The following FILIP1L variants were observed in gnomAD, a reference collection of about 807,000 sequenced individuals.
FILIP1L encodes filamin A-interacting protein 1-like.
In FILIP1L, 55 loss-of-function variants were observed where a neutral mutation model predicts 96.6. The ratio of observed to expected loss-of-function variants is 0.57; its 90% CI spans 0.46 to 0.71. The LOEUF is 0.71. Among genes scored for constraint, FILIP1L ranks in the 30% least tolerant of loss-of-function variants. The probability of loss-of-function intolerance (pLI) is 0.00; values close to 1 mark genes in which losing one functional copy is unlikely to be tolerated. For missense variants in FILIP1L, 1,304 were observed against 1,321.2 expected (o/e 0.99, Z 0.20); for synonymous variants, 467 against 473.9 (o/e 0.99, Z 0.19).
intron 1 of FILIP1L, among the ~76,000 whole-genome samples, chr3:100,093,781 T>C (rs1209231501): frequency 6.6e-6 from 1 of 152,252 alleles, no homozygotes; most frequent in African/African-American, 2.4e-5. Flanking sequence ...AAAAACAGTA[T>C]ATAAATAGAA....
intron 1 of FILIP1L, among the ~76,000 whole-genome samples, chr3:100,069,000 A>T (rs1012492810): frequency 6.6e-6 from 1 of 152,330 alleles, no homozygotes; most frequent in South Asian, 2.1e-4. Flanking sequence ...GTTCTGCTCC[A>T]CAAACCCAGA....
intron 1 of FILIP1L, among the ~76,000 whole-genome samples, chr3:99,983,381 AATAAATAAAT>A (rs1223203662): frequency 3.3e-5 from 1 of 30,026 alleles, no homozygotes; most frequent in African/African-American, 9.2e-5. Context: ...TTAAAAAATA[AATAAATAAAT>A]ATATATATAT....
chr3:99,924,456 G>A (rs1482048717), intron 3 of FILIP1L, 48 bp from the exon 4 acceptor site: 1 of 1,530,510 alleles, frequency 6.5e-7, no homozygotes. Flanking sequence ...TTTATATACT[G>A]TTGTCTTTCA....
chr3:100,004,582 T>A (rs1242674712), intron 1 of FILIP1L, among the ~76,000 whole-genome samples: 1 of 152,054 alleles, frequency 6.6e-6, no homozygotes, highest in Non-Finnish European at 1.5e-5. Flanking sequence ...AAAACCAAGA[T>A]ACAAGGAATT....
chr3:99,847,079 A>G (rs1943397291), intron 5 of FILIP1L, among the ~76,000 whole-genome samples: 2 of 152,222 alleles, frequency 1.3e-5, no homozygotes, highest in African/African-American at 4.8e-5. Context: ...TGTAAATGGC[A>G]TAATAATCAC....
intron 3 of FILIP1L, among the ~76,000 whole-genome samples, chr3:99,926,567 G>C (rs1354216157): frequency 1.3e-5 from 2 of 152,214 alleles, no homozygotes. Context: ...GAAGTTATTA[G>C]TTGACTTAGA....
At chr3:99,945,323 G>C (rs892954429) in intron 1 of FILIP1L, among the ~76,000 whole-genome samples, 1 of 152,168 alleles carries the variant, frequency 6.6e-6, no homozygotes, top group Non-Finnish European at 1.5e-5. Context: ...TACCCAGACT[G>C]CTTCCCAGCC....
chr3:99,904,456 C>T (rs965476312), intron 4 of FILIP1L, among the ~76,000 whole-genome samples: 8 of 152,080 alleles, frequency 5.3e-5, no homozygotes, highest in African/African-American at 1.9e-4. Context: ...TAAAATAGAG[C>T]TTTTTAAAAA....
chr3:100,006,585 G>C (rs191777604), intron 1 of FILIP1L, among the ~76,000 whole-genome samples: 1 of 149,700 alleles, frequency 6.7e-6, no homozygotes, highest in Admixed American at 6.7e-5. Context: ...TACCCTTTTT[G>C]TTTAGTACTG....
intron 1 of FILIP1L, among the ~76,000 whole-genome samples, chr3:100,022,524 T>C (rs2064844773): frequency 6.6e-6 from 1 of 152,238 alleles, no homozygotes; most frequent in African/African-American, 2.4e-5. Flanking sequence ...TATCTTATAT[T>C]GGACCTGAGT....
chr3:100,078,121 A>T (rs1374638484), intron 1 of FILIP1L, among the ~76,000 whole-genome samples: 1 of 152,162 alleles, frequency 6.6e-6, no homozygotes, highest in African/African-American at 2.4e-5. Context: ...TAAAAATTTC[A>T]TGTCAGTATT....
At chr3:99,980,054 C>T (rs147478229) in intron 1 of FILIP1L, among the ~76,000 whole-genome samples, 8 of 152,136 alleles carry the variant, frequency 5.3e-5, no homozygotes, top group Non-Finnish European at 8.8e-5. Context: ...GCAAAGATTA[C>T]TTAGAAGCTG....
At chr3:100,077,674 G>A (rs1380595959) in intron 1 of FILIP1L, among the ~76,000 whole-genome samples, 1 of 152,150 alleles carries the variant, frequency 6.6e-6, no homozygotes, top group Non-Finnish European at 1.5e-5. Context: ...TATAATCACA[G>A]TGAGGTGGGA....
chr3:100,096,707 AAC>A (rs1157961355), intron 1 of FILIP1L, among the ~76,000 whole-genome samples: 4 of 152,138 alleles, frequency 2.6e-5, no homozygotes, highest in African/African-American at 9.7e-5. Flanking sequence ...TTGATAGCAC[AAC>A]AGAGTGACTA....
intron 1 of FILIP1L, among the ~76,000 whole-genome samples, chr3:99,980,779 AC>A (rs1432800488): frequency 1.3e-5 from 2 of 152,090 alleles, no homozygotes; most frequent in African/African-American, 4.8e-5. Flanking sequence ...TACAGGTGTG[AC>A]TTGTTTAAAA....
At chr3:99,886,244 AGGG>A (rs1486435841) in intron 4 of FILIP1L, among the ~76,000 whole-genome samples, 12 of 75,942 alleles carry the variant, frequency 1.6e-4, no homozygotes, top group African/African-American at 6.6e-4. Context: ...TCCTGGTGAG[AGGG>A]GAATGAGTGT....
At chr3:100,053,348 G>A (rs183712074) in intron 1 of FILIP1L, among the ~76,000 whole-genome samples, 2 of 152,312 alleles carry the variant, frequency 1.3e-5, no homozygotes, top group Admixed American at 1.3e-4. Flanking sequence ...CCGTAGGGAA[G>A]AATACTTTCT....
rs921360957 is a variant in FILIP1L at position 99,830,269 on chromosome 3, G to C, written c.*145C>G. On this transcript the variant is annotated 3_prime_UTR_variant, in exon 6 of 6. Transcript: ENST00000477258. ...GAAGTAAAATAATTGTAGACGTGCT[G>C]CTTTTTGGGGGATGATCTTCATCAG... 2.9e-6 allele frequency: 1 copy of C among 342,562 alleles called. No homozygotes were observed. Among genetic ancestry groups the C allele is most frequent in the Non-Finnish European group, 5.8e-6 (1 of 172,660 alleles). The allele number at this position is 342,562 out of a possible 1,614,324, so 21.2% of individuals were successfully genotyped here.
chr3:100,086,593 A>C (rs1239670823), intron 1 of FILIP1L, among the ~76,000 whole-genome samples: 1 of 152,238 alleles, frequency 6.6e-6, no homozygotes, highest in Non-Finnish European at 1.5e-5. Flanking sequence ...CCACCAGGCT[A>C]ACGTCCAAAA....
Sources: allele counts gnomAD v4.1 joint callset (sites outside exome capture counted in the v4.1 genomes callset), GRCh38; gene constraint gnomAD v4.1.1; transcripts MANE v1.5; gene names NCBI Gene and HGNC (gene_info 2026-07-23, HGNC 2026-07-21).